ITPR2: variants seen among roughly 807,000 people sequenced by gnomAD.
ITPR2 encodes the protein inositol 1,4,5-trisphosphate-gated calcium channel ITPR2.
A neutral mutation model predicts 317.1 loss-of-function variants in ITPR2; 207 were observed. The ratio of observed to expected loss-of-function variants is 0.65; its 90% confidence interval spans 0.58 to 0.73. The LOEUF is 0.73. ITPR2 is among the 30% of genes least tolerant of loss of function. The pLI is 0.00. For synonymous variants in ITPR2, 1,156 were observed against 1,149.1 expected (o/e 1.01, Z -0.12); for missense variants, 2,613 against 3,284.0 (o/e 0.80, Z 4.99).
chr12:26,476,845 A>C, intron 44 of ITPR2, 67 bp downstream of exon 44: 1 of 951,238 alleles, frequency 1.1e-6, no homozygotes, highest in Non-Finnish European at 1.7e-6. Context: ...TTTTTCTGAC[A>C]TGCATTCTCT....
In ITPR2 at chr12:26,578,801, T is replaced by C. The variant is rs753692894; in HGVS notation, c.4542A>G (p.Gln1514=). 9 of 1,609,884 alleles carry C rather than the reference T, an allele frequency of 5.6e-6. No individual in the cohort carries two copies. The highest frequency in any genetic ancestry group is 5.3e-5 in the African/African-American group (4 of 74,860). ...TGCAATTGTAAATTCTGAAGGCAGA[T>C]TGCAGTAGCTGAATAAAAACTGGCT... ...THQPVFIQLL[Q]SAFRIYNCTW... Residue 1514 remains glutamine, a synonymous_variant, in exon 34 of 57, where the codon CAA becomes CAG. Transcript: ENST00000381340.
intron 37 of ITPR2, among the ~76,000 whole-genome samples, chr12:26,527,955 G>A (rs1347566088): frequency 1.3e-5 from 2 of 152,138 alleles, no homozygotes; most frequent in African/African-American, 4.8e-5. Flanking sequence ...TTGAAAAAGG[G>A]AAGCGCCTTA....
At chr12:26,344,023 G>C (rs1374410918) in intron 55 of ITPR2, among the ~76,000 whole-genome samples, 1 of 152,120 alleles carries the variant, frequency 6.6e-6, no homozygotes, top group African/African-American at 2.4e-5. Flanking sequence ...ACCTCATGGG[G>C]GTGGGGATTG....
intron 55 of ITPR2, among the ~76,000 whole-genome samples, chr12:26,375,331 A>G (rs184528173): frequency 3.4e-4 from 52 of 152,322 alleles, no homozygotes; most frequent in Middle Eastern, 3.4e-3. Flanking sequence ...ATGACTTAGG[A>G]TGGGTTATCA....
chr12:26,414,082 C>CACACAA (rs1429297574), intron 51 of ITPR2, among the ~76,000 whole-genome samples: 1 of 150,594 alleles, frequency 6.6e-6, no homozygotes, highest in Non-Finnish European at 1.5e-5. Context: ...CACACACACA[C>CACACAA]ACACAAACAC....
intron 2 of ITPR2, among the ~76,000 whole-genome samples, chr12:26,783,955 G>C (rs1233187780): frequency 6.6e-6 from 1 of 152,102 alleles, no homozygotes; most frequent in Non-Finnish European, 1.5e-5. Flanking sequence ...TGCAACTCAG[G>C]ATCATGGATG....
chr12:26,412,147 C>G (rs1940571332), intron 51 of ITPR2, among the ~76,000 whole-genome samples: 1 of 152,122 alleles, frequency 6.6e-6, no homozygotes, highest in Non-Finnish European at 1.5e-5. Flanking sequence ...GATGGAGAGA[C>G]AAGGGTAGGT....
At chr12:26,769,873 A>C (rs1009101565) in intron 2 of ITPR2, among the ~76,000 whole-genome samples, 2 of 152,202 alleles carry the variant, frequency 1.3e-5, no homozygotes. Context: ...TCATTTCCAC[A>C]AACAGTCCAT....
Position 26,523,900 on chromosome 12 carries a change from C to T in ITPR2, c.5073+26347G>A, listed in dbSNP as rs115081286. 7.2e-3 allele frequency among the ~76,000 whole-genome samples: 1,094 copies of T among 152,352 alleles called. 13 individuals are homozygous for T. The highest frequency in any genetic ancestry group is 0.024 in the African/African-American group (1,018 of 41,574). On this transcript the variant is annotated intron_variant, in intron 37 of 56. Coordinates refer to ENST00000381340, the MANE Select transcript of ITPR2 (RefSeq NM_002223.4). ...ACTGCAGGCGTTACATAATCACATG[C>T]TGTTGTTGGCAGAGCCGCCTCAGTG...
rs1038500471 is a variant in ITPR2, at chr12:26,602,442, T to G, written c.3606A>C (p.Gln1202His). 6.2e-7 allele frequency: 1 copy of G among 1,613,850 alleles called. No individual in the cohort carries two copies. ...CCATATTTTTCAGTAATCGTTGATGTTGATTCCGACACTTTTTATTCTGCA... is the reference window on the plus strand; with the variant it reads ...CCATATTTTTCAGTAATCGTTGATGGTGATTCCGACACTTTTTATTCTGCA... ...LCVQNKKCRN[Q>H]HQRLLKNMGA... The change falls in exon 28 of 57, where the codon CAA becomes CAC. Residue 1202 changes from glutamine (Q) to histidine (H), a missense_variant. Around this residue, in one of 9 missense-constraint regions of ITPR2, gnomAD observed 817 missense variants for 897.6 expected, o/e 0.91. Coordinates refer to ENST00000381340, the MANE Select transcript of ITPR2 (RefSeq NM_002223.4).
rs73080628 is a variant in ITPR2, at chr12:26,770,175, C to T, written c.163+19982G>A. ...TCTGAAGACTTCACCAAGGACCTTC[C>T]TATATGGGTTGAGAGAGGCAAAGGA... On this transcript the variant is annotated intron_variant, in intron 2 of 56. Coordinates refer to ENST00000381340, the MANE Select transcript of ITPR2 (RefSeq NM_002223.4). 6.7e-4 allele frequency among the ~76,000 whole-genome samples: 102 copies of T among 152,232 alleles called. 1 individual carries two copies. In the Middle Eastern group the frequency reaches 0.01, roughly 15 times the overall value.
intron 37 of ITPR2, among the ~76,000 whole-genome samples, chr12:26,527,778 C>T (rs1943846130): frequency 6.6e-6 from 1 of 152,094 alleles, no homozygotes; most frequent in South Asian, 2.1e-4. Context: ...GAAACATGAA[C>T]CTGACAAGGA....
intron 33 of ITPR2, 72 bp downstream of exon 33, chr12:26,579,955 C>T: frequency 7.7e-7 from 1 of 1,304,904 alleles, no homozygotes; most frequent in Non-Finnish European, 1.1e-6. Context: ...GACTTCCTGA[C>T]CAGAAAAAAT....
chr12:26,411,536 G>T, intron 51 of ITPR2, 124 bp from the exon 52 acceptor site: 1 of 639,666 alleles, frequency 1.6e-6, no homozygotes, highest in Non-Finnish European at 2.6e-6. Flanking sequence ...TGTTCCTAAA[G>T]TCCTAGGAAG....
intron 2 of ITPR2, among the ~76,000 whole-genome samples, chr12:26,785,660 G>A (rs1328811778): frequency 3.6e-5 from 1 of 27,628 alleles, no homozygotes; most frequent in African/African-American, 1.0e-4. Context: ...AGGTGGGGGG[G>A]TCAGCCCCCC....
intron 26 of ITPR2, among the ~76,000 whole-genome samples, chr12:26,603,665 C>G (rs1371765154): frequency 2.0e-5 from 3 of 152,132 alleles, no homozygotes; most frequent in Non-Finnish European, 2.9e-5. Context: ...CAGCTTTAGA[C>G]AAGTTTACGA....
At position 26,803,244 on chromosome 12, in the gene ITPR2, A is replaced by G. The variant is rs543706077; in HGVS notation, c.93-13017T>C. Among the ~76,000 whole-genome samples the G allele has an allele frequency of 1.1e-4, 16 of 152,320 alleles. No individual in the cohort carries two copies. The South Asian group carries it at 3.3e-3, about 32-fold the overall frequency. On this transcript the variant is annotated intron_variant, in intron 1 of 56. Transcript: ENST00000381340. The stretch of plus-strand genomic sequence containing the variant: ...ATACTTCAAGCTGTTATCTTATTGT[A>G]TGATACCTCTAACTACATGTCTCCA...
intron 34 of ITPR2, among the ~76,000 whole-genome samples, chr12:26,562,511 G>C (rs1944846622): frequency 6.6e-6 from 1 of 152,184 alleles, no homozygotes; most frequent in African/African-American, 2.4e-5. Context: ...ACTGAAAATT[G>C]AGAATGCTTG....
At chr12:26,425,195 C>T (rs1281296929) in intron 49 of ITPR2, among the ~76,000 whole-genome samples, 1 of 152,130 alleles carries the variant, frequency 6.6e-6, no homozygotes, top group East Asian at 1.9e-4. Context: ...CATCCTGCCT[C>T]AGCCTCCCAA....
Sources: gnomAD v4.1 joint callset for allele counts (sites outside exome capture counted in the v4.1 genomes callset) on GRCh38, gnomAD v4.1.1 for gene constraint, gnomAD v4.1.1 regional missense constraint, MANE v1.5 for transcripts, NCBI Gene and HGNC (gene_info 2026-07-23, HGNC 2026-07-21) for gene names.